DIAPH2: variants seen among roughly 807,000 people sequenced by gnomAD.
The protein encoded by DIAPH2 is protein diaphanous homolog 2.
A neutral mutation model predicts 92.7 loss-of-function variants in DIAPH2; 35 were observed. The ratio of observed to expected loss-of-function variants is 0.38; its 90% CI spans 0.29 to 0.50. DIAPH2 has a LOEUF of 0.50. DIAPH2 is among the 20% of genes least tolerant of loss of function. The pLI is 0.94. For missense variants in DIAPH2, 701 were observed against 819.5 expected (o/e 0.86, Z 1.77); for synonymous variants, 301 against 280.4 (o/e 1.07, Z -0.73).
At position 97,330,485 on chromosome X, in the gene DIAPH2, G is replaced by A. The variant is rs989594037; in HGVS notation, c.2845-17631G>A. Among the ~76,000 whole-genome samples, 7 of 109,412 alleles carry A rather than the reference G, an allele frequency of 6.4e-5. No individual in the cohort carries two copies. The East Asian group carries it at 1.4e-3, about 22-fold the overall frequency. ...AATGTCCTCAAGGCTCATCCATGTCGTAACATATGACAAGATGTGTTTCTT... is the reference window on the plus strand; with the variant it reads ...AATGTCCTCAAGGCTCATCCATGTCATAACATATGACAAGATGTGTTTCTT... On this transcript the variant is annotated intron_variant, in intron 23 of 26. Coordinates refer to ENST00000324765, the MANE Select transcript of DIAPH2 (RefSeq NM_006729.5).
At chrX:96,775,391 G>A (rs1316863614) in intron 4 of DIAPH2, among the ~76,000 whole-genome samples, 2 of 101,397 alleles carry the variant, frequency 2.0e-5, no homozygotes, top group East Asian at 3.3e-4. Flanking sequence ...GTGTGTGTGT[G>A]TATACTTCCT....
At position 97,437,165 on chromosome X, in the gene DIAPH2, G is replaced by A. The variant is rs750995238; in HGVS notation, c.3241+7420G>A. Among the ~76,000 whole-genome samples, 9 of 111,539 alleles carry A rather than the reference G, an allele frequency of 8.1e-5. No individual in the cohort carries two copies. The South Asian group carries it at 1.9e-3, about 23-fold the overall frequency. On this transcript the variant is annotated intron_variant, in intron 26 of 26. Transcript: ENST00000324765. The stretch of plus-strand genomic sequence containing the variant: ...TTATTATTACTAGGTCTTGCTGGTC[G>A]TTCATTCCAAGCTGTTTACTTCTTT...
chrX:96,954,246 G>A (rs974849689), intron 15 of DIAPH2: 4 of 111,941 alleles, frequency 3.6e-5, no homozygotes, highest in Non-Finnish European at 5.6e-5. Context: ...ATCTAATGTC[G>A]TATCTTGATT....
chrX:97,179,205 C>T (rs1430990234), intron 22 of DIAPH2, among the ~76,000 whole-genome samples: 2 of 105,154 alleles, frequency 1.9e-5, no homozygotes, highest in Admixed American at 1.0e-4. Flanking sequence ...TGGTTCAATG[C>T]GAGGCTGTGA....
At chrX:97,187,890 A>G (rs1162898068) in intron 22 of DIAPH2, among the ~76,000 whole-genome samples, 1 of 111,451 alleles carries the variant, frequency 9.0e-6, no homozygotes, top group African/African-American at 3.3e-5. Context: ...AGAAATATAG[A>G]TATACTTTGA....
intron 17 of DIAPH2, among the ~76,000 whole-genome samples, chrX:97,039,256 A>G (rs2066432412): frequency 9.0e-6 from 1 of 111,297 alleles, no homozygotes; most frequent in Admixed American, 9.5e-5. Flanking sequence ...TTTTTGTTTT[A>G]CAAGTATAGT....
At position 96,807,944 on chromosome X, in the gene DIAPH2, C is replaced by CAAAAAAAAAAAAAA. The variant is rs541681495; in HGVS notation, c.447+49712_447+49725dup. ...GTGAGATTTGGTATTGTAGAAATAG[C>CAAAAAAAAAAAAAA]AAAAAAAAAAAAAAAAAAAAAAAAA... On this transcript the variant is annotated intron_variant, in intron 4 of 26. Transcript: ENST00000324765. Among the ~76,000 whole-genome samples the CAAAAAAAAAAAAAA allele has an allele frequency of 4.8e-4, 7 of 14,488 alleles. 2 individuals are homozygous for CAAAAAAAAAAAAAA. The highest frequency in any genetic ancestry group is 8.5e-4 in the Non-Finnish European group (7 of 8,260). 12.6% of individuals were successfully genotyped at this position (14,488 alleles called of 115,157 possible).
At chrX:96,907,467 G>A (rs927656096) in intron 5 of DIAPH2, among the ~76,000 whole-genome samples, 9 of 112,005 alleles carry the variant, frequency 8.0e-5, no homozygotes, top group Non-Finnish European at 1.3e-4. Context: ...ATTGTGTACC[G>A]GTCCTCTTTT....
intron 24 of DIAPH2, among the ~76,000 whole-genome samples, chrX:97,381,266 A>G (rs1271183053): frequency 5.4e-5 from 6 of 111,197 alleles, no homozygotes; most frequent in Non-Finnish European, 7.5e-5. Flanking sequence ...CAACATTTCT[A>G]TTTTCAAAAT....
intron 15 of DIAPH2, among the ~76,000 whole-genome samples, chrX:96,957,514 C>T (rs1244744838): frequency 9.0e-6 from 1 of 111,167 alleles, no homozygotes; most frequent in African/African-American, 3.3e-5. Context: ...TGAGAGCTTG[C>T]TCATGATCAC....
rs755382492 is a variant in DIAPH2 at position 96,867,421 on chromosome X, C to T, written c.448-14158C>T. 7.2e-5 allele frequency among the ~76,000 whole-genome samples: 8 copies of T among 110,820 alleles called. No homozygotes were observed. The East Asian group carries it at 1.4e-3, about 20-fold the overall frequency. On this transcript the variant is annotated intron_variant, in intron 4 of 26. Transcript: ENST00000324765. Reference sequence around the variant, plus strand: ...TTTTAGTAGAGACAGGGTTTTACCACGTTGGCCAGGCTGGTCTCGAGCTCC... The same window carrying T: ...TTTTAGTAGAGACAGGGTTTTACCATGTTGGCCAGGCTGGTCTCGAGCTCC...
chrX:97,375,377 A>G (rs1480172620), intron 24 of DIAPH2, among the ~76,000 whole-genome samples: 7 of 110,976 alleles, frequency 6.3e-5, no homozygotes, highest in African/African-American at 2.3e-4. Flanking sequence ...AGTTGCTTGA[A>G]CCTGGGAGGC....
At chrX:97,189,432 C>G (rs1484116487) in intron 22 of DIAPH2, among the ~76,000 whole-genome samples, 3 of 85,018 alleles carry the variant, frequency 3.5e-5, no homozygotes, top group African/African-American at 1.3e-4. Context: ...ATCAGTCGTC[C>G]CCCCCCCTCC....
chrX:97,351,991 C>A (rs945899323), intron 24 of DIAPH2, among the ~76,000 whole-genome samples: 14 of 110,752 alleles, frequency 1.3e-4, no homozygotes, highest in African/African-American at 4.6e-4. Context: ...GAAGTGATTT[C>A]ACTCTCCCAG....
At chrX:97,560,078 T>A (rs1408136547) in intron 26 of DIAPH2, among the ~76,000 whole-genome samples, 1 of 111,703 alleles carries the variant, frequency 9.0e-6, no homozygotes, top group Non-Finnish European at 1.9e-5. Flanking sequence ...ATCTCAACAC[T>A]TCCTGAAGGT....
At chrX:97,356,956 A>G (rs1183282176) in intron 24 of DIAPH2, among the ~76,000 whole-genome samples, 1 of 112,042 alleles carries the variant, frequency 8.9e-6, no homozygotes, top group Non-Finnish European at 1.9e-5. Context: ...TGACAATATA[A>G]TAATTAACAA....
chrX:97,056,845 G>T (rs1226134905), intron 17 of DIAPH2, among the ~76,000 whole-genome samples: 7 of 111,703 alleles, frequency 6.3e-5, no homozygotes, highest in Non-Finnish European at 1.3e-4. Context: ...CTAAGGGAGG[G>T]AATTTGTTGT....
chrX:97,150,009 T>A (rs2067275153), intron 22 of DIAPH2, among the ~76,000 whole-genome samples: 1 of 110,724 alleles, frequency 9.0e-6, no homozygotes. Context: ...AGAATTTTTT[T>A]TTATTATTAT....
intron 4 of DIAPH2, among the ~76,000 whole-genome samples, chrX:96,841,893 G>T (rs913749287): frequency 9.0e-6 from 1 of 111,269 alleles, no homozygotes; most frequent in African/African-American, 3.3e-5. Flanking sequence ...ATAGGATTTG[G>T]GTAGGTAGTG....
Sources: allele counts gnomAD v4.1 joint callset (sites outside exome capture counted in the v4.1 genomes callset), GRCh38; gene constraint gnomAD v4.1.1; transcripts MANE v1.5; gene names NCBI Gene and HGNC (gene_info 2026-07-23, HGNC 2026-07-21).